The following ZNF385D variants were observed in gnomAD, a reference collection of about 807,000 sequenced individuals.
ZNF385D encodes the protein zinc finger protein 385D.
A neutral mutation model predicts 35.8 loss-of-function variants in ZNF385D; 15 were observed. That is an observed-to-expected ratio of 0.42 (90% CI 0.28 to 0.64). The LOEUF is 0.64. Among genes scored for constraint, ZNF385D ranks in the 30% least tolerant of loss-of-function variants. The pLI is 0.23. For missense variants in ZNF385D, 474 were observed against 494.6 expected (o/e 0.96, Z 0.39); for synonymous variants, 212 against 186.8 (o/e 1.13, Z -1.10).
At chr3:22,029,443 A>G (rs1269177285) in intron 3 of ZNF385D, among the ~76,000 whole-genome samples, 2 of 152,182 alleles carry the variant, frequency 1.3e-5, no homozygotes, top group African/African-American at 4.8e-5. Context: ...CTCCAGCAGG[A>G]AAAAACCCGC....
intron 2 of ZNF385D, among the ~76,000 whole-genome samples, chr3:21,626,895 T>C (rs2065148973): frequency 6.6e-6 from 1 of 152,030 alleles, no homozygotes; most frequent in South Asian, 2.1e-4. Flanking sequence ...GCAATGCACA[T>C]CAATGTGTGG....
At chr3:21,988,523 C>A (rs569650175) in intron 3 of ZNF385D, among the ~76,000 whole-genome samples, 14 of 144,880 alleles carry the variant, frequency 9.7e-5, no homozygotes, top group East Asian at 4.2e-4. Context: ...GCAGTCTGCC[C>A]GTTCTCAGAT....
At chr3:22,291,125 AC>A (rs1702281378) in intron 2 of ZNF385D, among the ~76,000 whole-genome samples, 1 of 152,136 alleles carries the variant, frequency 6.6e-6, no homozygotes, top group Admixed American at 6.5e-5. Context: ...GGAGGAGGGC[AC>A]AAAAATTCAG....
intron 2 of ZNF385D, among the ~76,000 whole-genome samples, chr3:22,308,664 A>G (rs935921507): frequency 1.3e-5 from 2 of 152,062 alleles, no homozygotes; most frequent in Non-Finnish European, 2.9e-5. Context: ...GAGTTTATTG[A>G]TATCAGAATT....
chr3:21,443,285 G>A (rs1411795228), intron 4 of ZNF385D: 6 of 985,214 alleles, frequency 6.1e-6, no homozygotes, highest in East Asian at 2.3e-4. Flanking sequence ...TCAGGTGAGG[G>A]GATTCTTTAT....
chr3:21,844,692 T>C (rs17009787), intron 3 of ZNF385D, among the ~76,000 whole-genome samples: 6,721 of 152,004 alleles, frequency 0.044, 501 homozygotes, highest in African/African-American at 0.15. Context: ...ATCTGAAATA[T>C]TGAGGCCTAT....
At chr3:22,266,005 A>C (rs774213992) in intron 2 of ZNF385D, among the ~76,000 whole-genome samples, 1 of 151,948 alleles carries the variant, frequency 6.6e-6, no homozygotes, top group Admixed American at 6.6e-5. Context: ...CTAACTCTAC[A>C]GGCCATCTTG....
At chr3:22,073,268 C>A (rs1352212926) in intron 3 of ZNF385D, among the ~76,000 whole-genome samples, 1 of 149,538 alleles carries the variant, frequency 6.7e-6, no homozygotes, top group Admixed American at 6.7e-5. Flanking sequence ...TGGATTCCTG[C>A]TTTTTATTTT....
rs553765806 is a variant in ZNF385D, at chr3:21,446,294, G to A, written c.440-9091C>T. 9.2e-5 allele frequency among the ~76,000 whole-genome samples: 14 copies of A among 152,220 alleles called. No individual in the cohort carries two copies. In the East Asian group the frequency reaches 2.7e-3, roughly 29 times the overall value. On this transcript the variant is annotated intron_variant, in intron 4 of 7. Transcript: ENST00000281523. ...ACAGCAAGTCATGAATGCAAGAAGA[G>A]GGAAATGAGAGATTGAGTGACCAGT...
At chr3:21,832,200 C>G (rs994085874) in intron 3 of ZNF385D, among the ~76,000 whole-genome samples, 6 of 151,894 alleles carry the variant, frequency 4.0e-5, no homozygotes, top group Admixed American at 3.3e-4. Flanking sequence ...ATTTGTTTTT[C>G]TTCACATCTA....
chr3:22,123,958 C>A (rs4044491), intron 3 of ZNF385D, among the ~76,000 whole-genome samples: 5,024 of 77,618 alleles, frequency 0.065, 111 homozygotes, highest in Non-Finnish European at 0.1. Flanking sequence ...CTCTCTCTCT[C>A]TCTCTATATA....
intron 3 of ZNF385D, among the ~76,000 whole-genome samples, chr3:21,867,839 C>A (rs1697456469): frequency 6.6e-6 from 1 of 152,084 alleles, no homozygotes; most frequent in Admixed American, 6.5e-5. Context: ...GAAATGTTCT[C>A]TATCTAGTCA....
chr3:21,442,145 A>T (rs2125248544), intron 4 of ZNF385D, among the ~76,000 whole-genome samples: 1 of 152,338 alleles, frequency 6.6e-6, no homozygotes, highest in Admixed American at 6.5e-5. Context: ...ATAAGAAAGG[A>T]TTCCAAAAAA....
At chr3:21,644,133 C>T (rs1438219103) in intron 2 of ZNF385D, among the ~76,000 whole-genome samples, 1 of 152,148 alleles carries the variant, frequency 6.6e-6, no homozygotes, top group African/African-American at 2.4e-5. Context: ...AATTTTACTA[C>T]AGGCTAATTT....
intron 2 of ZNF385D, among the ~76,000 whole-genome samples, chr3:21,576,375 C>A (rs2063497318): frequency 6.6e-6 from 1 of 152,116 alleles, no homozygotes. Context: ...ATGGCTGTTT[C>A]CCTAATGTTC....
At chr3:22,217,322 C>G (rs950396673) in intron 2 of ZNF385D, among the ~76,000 whole-genome samples, 1 of 152,152 alleles carries the variant, frequency 6.6e-6, no homozygotes, top group African/African-American at 2.4e-5. Context: ...TCATGCGACC[C>G]TCTGTGGTGT....
At chr3:21,968,326 G>A (rs931886135) in intron 3 of ZNF385D, among the ~76,000 whole-genome samples, 1 of 152,032 alleles carries the variant, frequency 6.6e-6, no homozygotes, top group African/African-American at 2.4e-5. Flanking sequence ...AACTTAAACG[G>A]CAGTCTAGGC....
At chr3:22,270,870 G>A (rs952264242) in intron 2 of ZNF385D, among the ~76,000 whole-genome samples, 4 of 151,892 alleles carry the variant, frequency 2.6e-5, no homozygotes, top group Non-Finnish European at 4.4e-5. Context: ...AATGCCCTTT[G>A]CAATTCTGAA....
intron 3 of ZNF385D, among the ~76,000 whole-genome samples, chr3:22,069,532 CTT>C (rs1328165790): frequency 2.6e-5 from 4 of 152,088 alleles, no homozygotes; most frequent in African/African-American, 7.2e-5. Context: ...GGACTTGACT[CTT>C]TGAAAAACTG....
Sources: gnomAD v4.1 joint callset for allele counts (sites outside exome capture counted in the v4.1 genomes callset) on GRCh38, gnomAD v4.1.1 for gene constraint, MANE v1.5 for transcripts, NCBI Gene and HGNC (gene_info 2026-07-23, HGNC 2026-07-21) for gene names.